SMPD4: variants seen among roughly 807,000 people sequenced by gnomAD.
SMPD4 encodes sphingomyelin phosphodiesterase 4.
SMPD4 carries 58 observed loss-of-function variants against 97.8 expected under a neutral mutation model. The observed-to-expected ratio is 0.59, with a 90% CI of 0.48 to 0.74. SMPD4 has a LOEUF of 0.74. Among genes scored for constraint, SMPD4 ranks in the 30% least tolerant of loss-of-function variants. The pLI, the probability that SMPD4 is intolerant of heterozygous loss-of-function variation, is 0.00. For synonymous variants in SMPD4, 388 were observed against 450.0 expected (o/e 0.86, Z 1.74); for missense variants, 853 against 1,080.5 (o/e 0.79, Z 2.95).
chr2:130,160,626 C>A (rs1687302091), intron 11 of SMPD4, among the ~76,000 whole-genome samples: 1 of 152,180 alleles, frequency 6.6e-6, no homozygotes, highest in African/African-American at 2.4e-5. Context: ...CCTGGCTGGG[C>A]TGTCAAGGAC....
chr2:130,157,107 G>A lies in SMPD4; in HGVS notation c.1097+144C>T, dbSNP rs536241742. On this transcript the variant is annotated intron_variant, in intron 12 of 19. Transcript: ENST00000680298. ...GGTGAGAGGACACCTGCCTAGGCCT[G>A]GAGAGGCCTCACGTGCTCTGTGAAC... The A allele has an allele frequency of 3.6e-4, 236 of 660,894 alleles. 1 individual carries two copies. The African/African-American group carries it at 3.9e-3, about 11-fold the overall frequency. The allele number at this position is 660,894 out of a possible 1,614,324, so 40.9% of individuals were successfully genotyped here.
chr2:130,174,829 C>T lies in SMPD4; in HGVS notation c.126+85G>A, dbSNP rs185973435. 1,498 of 987,220 alleles carry T rather than the reference C, an allele frequency of 1.5e-3. 17 individuals are homozygous for T. The African/African-American group carries it at 0.02, about 13-fold the overall frequency. The allele number at this position is 987,220 out of a possible 1,614,324, so 61.2% of individuals were successfully genotyped here. ...TGCCAGGCAGTGCTCGGGGTTGGGG[C>T]GGGGAGGGAAATTAGGAATTATAAT... On this transcript the variant is annotated intron_variant, in intron 3 of 19. Coordinates refer to ENST00000680298, the MANE Select transcript of SMPD4 (RefSeq NM_017951.5).
At chr2:130,162,196 G>A (rs1438112312) in intron 10 of SMPD4, among the ~76,000 whole-genome samples, 1 of 152,258 alleles carries the variant, frequency 6.6e-6, no homozygotes, top group African/African-American at 2.4e-5. Context: ...ACACCCAGAG[G>A]CAGCAGGAAC....
upstream of SMPD4, chr2:130,181,748 T>C (rs1247036543): frequency 1.3e-6 from 2 of 1,547,348 alleles, no homozygotes; most frequent in South Asian, 1.2e-5. Flanking sequence ...GGGGAGGGAG[T>C]GGTCCTTAGC....
In SMPD4 at chr2:130,160,593, G is replaced by C. The variant is rs190807505; in HGVS notation, c.951+593C>G. Among the ~76,000 whole-genome samples the C allele has an allele frequency of 9.2e-5, 14 of 152,320 alleles. No individual in the cohort carries two copies. In the South Asian group the frequency reaches 2.9e-3, roughly 32 times the overall value. Reference sequence around the variant, plus strand: ...TCTGGAGGTGTGTATGAGCGGCCAGGGCTCCCCAGGTGAAGGCCGGGTCCT... The same window carrying C: ...TCTGGAGGTGTGTATGAGCGGCCAGCGCTCCCCAGGTGAAGGCCGGGTCCT... On this transcript the variant is annotated intron_variant, in intron 11 of 19. Coordinates refer to ENST00000680298, the MANE Select transcript of SMPD4 (RefSeq NM_017951.5).
intron 8 of SMPD4, among the ~76,000 whole-genome samples, chr2:130,167,799 A>G (rs1688075283): frequency 6.6e-6 from 1 of 152,162 alleles, no homozygotes; most frequent in South Asian, 2.1e-4. Context: ...CTTCCTTACC[A>G]CAGAGTGACC....
chr2:130,166,393 G>T (rs1322227652), intron 9 of SMPD4, among the ~76,000 whole-genome samples: 2 of 150,716 alleles, frequency 1.3e-5, no homozygotes, highest in Admixed American at 1.3e-4. Flanking sequence ...GCTGTGTCAT[G>T]ATCTTCTGCC....
intron 1 of SMPD4, among the ~76,000 whole-genome samples, chr2:130,178,933 G>A (rs563806187): frequency 6.6e-4 from 101 of 152,240 alleles, no homozygotes; most frequent in African/African-American, 2.4e-3. Flanking sequence ...AAGTCCCACT[G>A]GTGGGCTAGT....
rs200559691 is a variant in SMPD4 at position 130,153,107 on chromosome 2, C to T, written c.2090G>A (p.Arg697Gln). 48 of 1,613,750 alleles carry T rather than the reference C, an allele frequency of 3.0e-5. No homozygotes were observed. In the Middle Eastern group the frequency reaches 5.1e-4, roughly 17 times the overall value. ...GACCAAGCTGGCGATCTCATAGCTC[C>T]GGATGGGCTGCAGCTCCGGGTCCCC... ...YQGDPELQPI[R>Q]SYEIASLVRT... The change falls in exon 19 of 20, where the codon CGG becomes CAG. Residue 697 changes from arginine (R) to glutamine (Q), a missense_variant. By Grantham distance (43) the Arg-to-Gln change is conservative. Transcript: ENST00000680298.
rs1558747140 is a variant in SMPD4 at position 130,159,833 on chromosome 2, G to C, written c.951+1353C>G. On this transcript the variant is annotated intron_variant, in intron 11 of 19. Coordinates refer to ENST00000680298, the MANE Select transcript of SMPD4 (RefSeq NM_017951.5). ...AACATCCTTCCTGCAGCTAAGGGGA[G>C]GGGAAGACCTCCACATGTGAACTGG... 2.0e-5 allele frequency among the ~76,000 whole-genome samples: 3 copies of C among 152,208 alleles called. No individual in the cohort carries two copies. In the East Asian group the frequency reaches 5.8e-4, roughly 29 times the overall value.
At chr2:130,165,893 G>A (rs1407453396) in intron 9 of SMPD4, among the ~76,000 whole-genome samples, 1 of 152,146 alleles carries the variant, frequency 6.6e-6, no homozygotes, top group African/African-American at 2.4e-5. Context: ...AGTTTTGCAA[G>A]ATGAAAAGCA....
intron 15 of SMPD4, chr2:130,154,737 C>G: frequency 1.7e-6 from 1 of 583,536 alleles, no homozygotes; most frequent in East Asian, 2.9e-5. Context: ...CAGAAACCAA[C>G]GCCCAACCCA....
intron 15 of SMPD4, 26 bp downstream of exon 15, chr2:130,155,070 C>A (rs370871926): frequency 6.2e-7 from 1 of 1,612,822 alleles, no homozygotes; most frequent in South Asian, 1.1e-5. Context: ...TGACGTATAC[C>A]GGGCTGGCCC....
intron 1 of SMPD4, among the ~76,000 whole-genome samples, chr2:130,179,147 A>G: frequency 6.8e-6 from 1 of 146,316 alleles, no homozygotes; most frequent in Non-Finnish European, 1.5e-5. Context: ...TTTTTGAGAC[A>G]GAGTCTCGCT....
chr2:130,168,930 G>C (rs1044671360), intron 8 of SMPD4, among the ~76,000 whole-genome samples: 10 of 152,036 alleles, frequency 6.6e-5, no homozygotes, highest in East Asian at 1.9e-4. Context: ...TATGTTGCCT[G>C]AGCTGGTCTC....
chr2:130,181,704 G>A (rs1442506583), upstream of SMPD4: 9 of 1,548,480 alleles, frequency 5.8e-6, no homozygotes, highest in East Asian at 2.4e-5. Flanking sequence ...AAGGCCGGCC[G>A]GGCGGGGAAG....
intron 1 of SMPD4, among the ~76,000 whole-genome samples, chr2:130,180,443 T>G (rs764302132): frequency 2.0e-5 from 3 of 151,930 alleles, no homozygotes; most frequent in Non-Finnish European, 4.4e-5. Flanking sequence ...GGCTAATTTT[T>G]GTATTTTTTA....
intron 10 of SMPD4, 99 bp downstream of exon 10, chr2:130,164,275 C>G (rs1001355324): frequency 9.6e-7 from 1 of 1,040,226 alleles, no homozygotes; most frequent in African/African-American, 1.6e-5. Flanking sequence ...TTCTGCTTCC[C>G]ACCATCCAGC....
rs1295035094 is a variant in SMPD4 at position 130,173,568 on chromosome 2, T to C, written c.215A>G (p.Gln72Arg). The C allele has an allele frequency of 4.3e-6, 7 of 1,613,618 alleles. No homozygotes were observed. In the Admixed American group the frequency reaches 8.3e-5, roughly 19 times the overall value. Residue 72 changes from glutamine to arginine, a missense_variant, in exon 4 of 20, where the codon CAG (glutamine) becomes CGG (arginine). Gln to Arg is a conservative substitution (Grantham distance 43, BLOSUM62 1). Coordinates refer to ENST00000680298, the MANE Select transcript of SMPD4 (RefSeq NM_017951.5). ...VLVGWNLRCL[Q>R]GRVNPVEYSI... ...GTACTCCACAGGATTCACGCGCCCCTGTAAGCAGCGGAGGTTCCAGCCAAC... is the reference window on the plus strand; with the variant it reads ...GTACTCCACAGGATTCACGCGCCCCCGTAAGCAGCGGAGGTTCCAGCCAAC...
Sources: gnomAD v4.1 joint callset for allele counts (sites outside exome capture counted in the v4.1 genomes callset) on GRCh38, gnomAD v4.1.1 for gene constraint, MANE v1.5 for transcripts, NCBI Gene and HGNC (gene_info 2026-07-23, HGNC 2026-07-21) for gene names.